The following PRR14L variants were observed in gnomAD, a reference collection of about 807,000 sequenced individuals.
PRR14L encodes the protein proline rich 14 like, also known as protein PRR14L.
In PRR14L, 80 loss-of-function variants were observed where a neutral mutation model predicts 155.0. The observed-to-expected ratio is 0.52, with a 90% CI of 0.43 to 0.62. The LOEUF (loss-of-function observed/expected upper bound fraction) is 0.62, where lower values mean the gene tolerates loss of function less well. Ranked by LOEUF, PRR14L falls within the 20% of genes least tolerant of loss-of-function variation. The pLI is 0.00. For synonymous variants in PRR14L, 883 were observed against 916.0 expected, an observed-to-expected ratio of 0.96 and a Z score of 0.65; for missense variants, 2,469 against 2,548.0, an observed-to-expected ratio of 0.97 and a Z score of 0.67.
At chr22:31,742,040 A>G (rs1156843361) in intron 1 of PRR14L, among the ~76,000 whole-genome samples, 1 of 152,136 alleles carries the variant, frequency 6.6e-6, no homozygotes, top group Non-Finnish European at 1.5e-5. Context: ...TGGAGTTGCT[A>G]TTTGATGCCA....
chr22:31,691,657 T>C (rs566090978), intron 7 of PRR14L, among the ~76,000 whole-genome samples: 1 of 152,236 alleles, frequency 6.6e-6, no homozygotes, highest in Non-Finnish European at 1.5e-5. Flanking sequence ...AAATGAATCA[T>C]ATAGAATGTG....
At chr22:31,703,761 C>G in intron 5 of PRR14L, 40 bp from the exon 6 acceptor site, 2 of 1,281,940 alleles carry the variant, frequency 1.6e-6, no homozygotes, top group Non-Finnish European at 2.1e-6. Flanking sequence ...GAGGGGTTCC[C>G]TTTCTACTTC....
chr22:31,685,633 G>A lies in PRR14L; in HGVS notation c.6350C>T (p.Ala2117Val). Residue 2117 changes from alanine (A) to valine (V), a missense_variant, in exon 9 of 9, where the codon GCA becomes GTA. By Grantham distance (64) the Ala-to-Val change is moderately conservative (BLOSUM62 0). Coordinates refer to ENST00000327423, the MANE Select transcript of PRR14L (RefSeq NM_173566.3). ...VAGSFTRAQKAAVQSRELDAL... is the reference protein window; with the variant it reads ...VAGSFTRAQKVAVQSRELDAL... ...ATCCAGCTCTCGACTCTGCACAGCT[G>A]CCTTCTGGGCCCTGGTAAAGCTGCC... 6.4e-7 allele frequency: 1 copy of A among 1,551,826 alleles called. No individual in the cohort carries two copies. Among genetic ancestry groups the A allele is most frequent in the Non-Finnish European group, 8.7e-7 (1 of 1,147,004 alleles).
At position 31,714,624 on chromosome 22, in the gene PRR14L, T is replaced by C; in HGVS notation, c.3215A>G (p.Lys1072Arg). ...NKLAEGVLDV[K>R]ASNLLDCGAR... ...ACCACAATCCAGTAGATTAGATGCC[T>C]TCACGTCCAGCACACCTTCTGCAAG... is the stretch of plus-strand genomic sequence containing the variant. Residue 1072 changes from lysine to arginine, a missense_variant, in exon 4 of 9, where the codon AAG becomes AGG. Lys to Arg is a conservative substitution (Grantham distance 26, BLOSUM62 2). Around this residue, in one of 2 missense-constraint regions of PRR14L, gnomAD observed 2,363 missense variants for 2,371.6 expected, o/e 1.00. Transcript: ENST00000327423. 6.4e-7 allele frequency: 1 copy of C among 1,552,012 alleles called. No individual in the cohort carries two copies. The highest frequency in any genetic ancestry group is 8.7e-7 in the Non-Finnish European group (1 of 1,147,060).
chr22:31,746,070 C>T (rs1009118996), intron 1 of PRR14L, among the ~76,000 whole-genome samples: 2 of 151,850 alleles, frequency 1.3e-5, no homozygotes, highest in South Asian at 2.1e-4. Flanking sequence ...GCCAGGACTA[C>T]AGGCGCGAGG....
intron 8 of PRR14L, among the ~76,000 whole-genome samples, chr22:31,686,399 C>A (rs945615497): frequency 1.3e-5 from 2 of 151,680 alleles, no homozygotes; most frequent in African/African-American, 2.4e-5. Flanking sequence ...AGCCACTGCA[C>A]CCAGCCCTGA....
chr22:31,746,831 C>G (rs922633462), intron 1 of PRR14L, among the ~76,000 whole-genome samples: 1 of 143,316 alleles, frequency 7.0e-6, no homozygotes, highest in African/African-American at 2.6e-5. Context: ...GAGTCTCACT[C>G]TGTTGCTCAG....
At chr22:31,744,245 G>A (rs988123501) in intron 1 of PRR14L, among the ~76,000 whole-genome samples, 4 of 150,962 alleles carry the variant, frequency 2.6e-5, no homozygotes, top group Non-Finnish European at 5.9e-5. Flanking sequence ...AGATTCTCCC[G>A]CCCCAGCCTC....
In PRR14L at chr22:31,716,842, T is replaced by A. The variant is rs758817170; in HGVS notation, c.997A>T (p.Thr333Ser). The A allele has an allele frequency of 2.6e-6, 4 of 1,551,822 alleles. No homozygotes were observed. In the African/African-American group the frequency reaches 5.5e-5, roughly 21 times the overall value. Residue 333 changes from threonine to serine, a missense_variant, in exon 4 of 9, where the codon ACA (threonine) becomes TCA (serine). Physicochemically the swap from Thr to Ser is moderately conservative, Grantham distance 58. Around this residue, in one of 2 missense-constraint regions of PRR14L, gnomAD observed 2,363 missense variants for 2,371.6 expected, o/e 1.00. Transcript: ENST00000327423. Reference sequence around the variant, plus strand: ...TCAGAATTTTCTTTCAAAGGGCTTGTGGCTGTGGGACTATCATGTGTAGAA... The same window carrying A: ...TCAGAATTTTCTTTCAAAGGGCTTGAGGCTGTGGGACTATCATGTGTAGAA... ...PSSTHDSPTA[T>S]SPLKENSEVS... is the part of the protein sequence containing the mutation.
chr22:31,732,707 G>A (rs777413982), intron 2 of PRR14L, among the ~76,000 whole-genome samples: 1 of 152,118 alleles, frequency 6.6e-6, no homozygotes, highest in Non-Finnish European at 1.5e-5. Context: ...GTAGCTGTGA[G>A]AACAACTAAA....
chr22:31,722,318 G>T (rs2074694615), intron 3 of PRR14L, among the ~76,000 whole-genome samples: 1 of 151,290 alleles, frequency 6.6e-6, no homozygotes, highest in African/African-American at 2.4e-5. Flanking sequence ...TGTAGTCCCA[G>T]CTATTTGAGG....
At chr22:31,735,839 G>A (rs1361429412) in intron 2 of PRR14L, among the ~76,000 whole-genome samples, 1 of 151,536 alleles carries the variant, frequency 6.6e-6, no homozygotes, top group Non-Finnish European at 1.5e-5. Context: ...ACCTGAGGTC[G>A]GGAGTTCGAG....
chr22:31,747,705 C>T (rs1043528057), intron 1 of PRR14L, among the ~76,000 whole-genome samples: 3 of 151,254 alleles, frequency 2.0e-5, no homozygotes, highest in African/African-American at 4.9e-5. Context: ...AATTACTCAA[C>T]GGCGTTTGAG....
At chr22:31,696,510 T>A (rs1400836769) in intron 7 of PRR14L, among the ~76,000 whole-genome samples, 1 of 152,078 alleles carries the variant, frequency 6.6e-6, no homozygotes, top group African/African-American at 2.4e-5. Context: ...TGGGCTCAAG[T>A]GATCCTCCCA....
At chr22:31,739,090 T>C (rs2074798635) in intron 1 of PRR14L, among the ~76,000 whole-genome samples, 179 bp from the exon 2 acceptor site, 1 of 152,220 alleles carries the variant, frequency 6.6e-6, no homozygotes, top group Admixed American at 6.5e-5. Flanking sequence ...TAACCTTTAA[T>C]AACGTTTGAG....
intron 2 of PRR14L, among the ~76,000 whole-genome samples, chr22:31,735,274 C>T (rs544047881): frequency 2.0e-5 from 3 of 152,162 alleles, no homozygotes; most frequent in South Asian, 4.1e-4. Flanking sequence ...CCCGTCTCTA[C>T]TAAAAAAATA....
At chr22:31,701,986 G>C (rs545363982) in intron 6 of PRR14L, among the ~76,000 whole-genome samples, 2 of 152,176 alleles carry the variant, frequency 1.3e-5, no homozygotes, top group African/African-American at 4.8e-5. Flanking sequence ...TTTATTTTTA[G>C]ATGGGGTCTC....
At chr22:31,717,439 ATT>A in intron 3 of PRR14L, 148 bp from the exon 4 acceptor site, 1 of 645,274 alleles carries the variant, frequency 1.5e-6, no homozygotes, top group East Asian at 2.8e-5. Flanking sequence ...TATACCATTG[ATT>A]TTGTTCTTCT....
chr22:31,711,776 C>CAAAAAAAAAAAA (rs757790329), intron 4 of PRR14L, among the ~76,000 whole-genome samples: 1 of 48,728 alleles, frequency 2.1e-5, no homozygotes, highest in Non-Finnish European at 3.9e-5. Context: ...AAGAGTTAAT[C>CAAAAAAAAAAAA]AAAAAAAAAA....
Sources: allele counts gnomAD v4.1 joint callset (sites outside exome capture counted in the v4.1 genomes callset), GRCh38; gene constraint gnomAD v4.1.1; regional missense constraint gnomAD v4.1.1; transcripts MANE v1.5; gene names NCBI Gene and HGNC (gene_info 2026-07-23, HGNC 2026-07-21).